Variants in ADAMTS17 observed in about 807,000 individuals in gnomAD.
ADAMTS17 encodes the protein A disintegrin and metalloproteinase with thrombospondin motifs 17.
ADAMTS17 carries 113 observed loss-of-function variants against 141.5 expected under a neutral mutation model. The observed-to-expected ratio is 0.80, with a 90% CI of 0.69 to 0.93. The LOEUF (loss-of-function observed/expected upper bound fraction) is 0.93, where lower values mean the gene tolerates loss of function less well. Ranked by LOEUF, ADAMTS17 falls within the 40% of genes least tolerant of loss-of-function variation. ADAMTS17 has a pLI of 0.00. For synonymous variants in ADAMTS17, 768 were observed against 630.6 expected, an observed-to-expected ratio of 1.22 and a Z score of -3.27; for missense variants, 1,659 against 1,517.9, an observed-to-expected ratio of 1.09 and a Z score of -1.54.
At chr15:100,102,744 C>G (rs1233658041) in intron 14 of ADAMTS17, among the ~76,000 whole-genome samples, 4 of 152,190 alleles carry the variant, frequency 2.6e-5, no homozygotes, top group Admixed American at 2.6e-4. Flanking sequence ...CAGAGACCTC[C>G]CTGCCTGCTC....
At chr15:100,113,639 A>C (rs1230049379) in intron 13 of ADAMTS17, among the ~76,000 whole-genome samples, 1 of 152,256 alleles carries the variant, frequency 6.6e-6, no homozygotes, top group Non-Finnish European at 1.5e-5. Flanking sequence ...GCCAGTCTGC[A>C]GTGGGTGCAC....
In ADAMTS17 at chr15:100,188,234, G is replaced by A. The variant is rs112139080; in HGVS notation, c.1181+11084C>T. Among the ~76,000 whole-genome samples the A allele has an allele frequency of 3.0e-3, 449 of 152,082 alleles. 3 individuals are homozygous for A. The highest frequency in any genetic ancestry group is 0.011 in the African/African-American group (442 of 41,500). On this transcript the variant is annotated intron_variant, in intron 8 of 21. Transcript: ENST00000268070. Reference sequence around the variant, plus strand: ...TGGAATTACAGGCATGCACCACCATGCCCAGCTAATTTTGTATTTTTTAGT... The same window carrying A: ...TGGAATTACAGGCATGCACCACCATACCCAGCTAATTTTGTATTTTTTAGT...
intron 3 of ADAMTS17, among the ~76,000 whole-genome samples, chr15:100,318,784 G>A (rs150218433): frequency 6.6e-6 from 1 of 152,174 alleles, no homozygotes; most frequent in African/African-American, 2.4e-5. Flanking sequence ...GCAGTTGTTG[G>A]GCTCAAATAT....
At chr15:100,287,370 A>T (rs957937644) in intron 3 of ADAMTS17, among the ~76,000 whole-genome samples, 7 of 152,340 alleles carry the variant, frequency 4.6e-5, no homozygotes, top group African/African-American at 1.7e-4. Context: ...TAAAACCTCA[A>T]GAAATATGGA....
intron 3 of ADAMTS17, among the ~76,000 whole-genome samples, chr15:100,305,600 A>G (rs1333752613): frequency 6.6e-6 from 1 of 152,224 alleles, no homozygotes; most frequent in African/African-American, 2.4e-5. Flanking sequence ...CTGCTGGGCC[A>G]TGGTGGGGTC....
At chr15:100,072,933 T>C (rs1337218478) in intron 15 of ADAMTS17, among the ~76,000 whole-genome samples, 2 of 151,206 alleles carry the variant, frequency 1.3e-5, no homozygotes, top group Non-Finnish European at 3.0e-5. Flanking sequence ...AATTAAAGTA[T>C]AGGGCTTCTG....
chr15:100,237,103 G>A (rs934087675), intron 7 of ADAMTS17, among the ~76,000 whole-genome samples: 2 of 152,116 alleles, frequency 1.3e-5, no homozygotes, highest in African/African-American at 4.8e-5. Flanking sequence ...TACCCTTTCA[G>A]CACAAGCCTA....
chr15:100,127,421 G>A lies in ADAMTS17; in HGVS notation c.1721+4586C>T, dbSNP rs183486435. 1.7e-4 allele frequency among the ~76,000 whole-genome samples: 26 copies of A among 152,306 alleles called. 1 individual carries two copies. In the East Asian group the frequency reaches 3.1e-3, roughly 18 times the overall value. On this transcript the variant is annotated intron_variant, in intron 12 of 21. Coordinates refer to ENST00000268070, the MANE Select transcript of ADAMTS17 (RefSeq NM_139057.4). ...GAGGCCAAGGGTTGCCGGGAGCCAC[G>A]AAACGGATTCACCTTTGGAGTTTCA...
chr15:100,160,055 G>A (rs367568094), intron 8 of ADAMTS17, among the ~76,000 whole-genome samples: 1 of 88,920 alleles, frequency 1.1e-5, no homozygotes, highest in African/African-American at 3.2e-5. Context: ...TCCTGGAATG[G>A]CCCCCCAGTA....
intron 7 of ADAMTS17, among the ~76,000 whole-genome samples, chr15:100,250,140 C>A (rs776446422): frequency 6.6e-6 from 1 of 152,166 alleles, no homozygotes; most frequent in Non-Finnish European, 1.5e-5. Flanking sequence ...TCAATAAATA[C>A]CAGATTGAGC....
At chr15:99,982,230 G>A (rs1376505237) in intron 20 of ADAMTS17, among the ~76,000 whole-genome samples, 2 of 152,190 alleles carry the variant, frequency 1.3e-5, no homozygotes, top group Non-Finnish European at 1.5e-5. Context: ...GCGCCACAGC[G>A]AGCTGGGCAG....
chr15:100,100,587 T>C (rs1243521434), intron 14 of ADAMTS17, among the ~76,000 whole-genome samples: 1 of 151,532 alleles, frequency 6.6e-6, no homozygotes, highest in African/African-American at 2.4e-5. Flanking sequence ...GACTCTTCTA[T>C]TTTGGGATGT....
intron 18 of ADAMTS17, among the ~76,000 whole-genome samples, chr15:100,042,985 T>C (rs765430357): frequency 2.0e-5 from 3 of 152,226 alleles, no homozygotes; most frequent in Non-Finnish European, 4.4e-5. Context: ...TGTGTATGTA[T>C]ATATGTATGT....
intron 8 of ADAMTS17, among the ~76,000 whole-genome samples, chr15:100,175,272 C>A (rs994686628): frequency 2.6e-5 from 4 of 152,174 alleles, no homozygotes; most frequent in Non-Finnish European, 4.4e-5. Context: ...AATTTGGCAA[C>A]CAACAGAGCA....
In ADAMTS17 at chr15:100,292,839, A is replaced by G. The variant is rs1383050148; in HGVS notation, c.617-11438T>C. Among the ~76,000 whole-genome samples, 9 of 152,216 alleles carry G rather than the reference A, an allele frequency of 5.9e-5. No individual in the cohort carries two copies. The South Asian group carries it at 1.9e-3, about 32-fold the overall frequency. On this transcript the variant is annotated intron_variant, in intron 3 of 21. Transcript: ENST00000268070. ...AGGGGGAAAAAAAGAATCATGCTGG[A>G]TTATAGGTTTGTCATTCTCTTCCAG...
chr15:100,087,611 C>A (rs565039620), intron 15 of ADAMTS17, among the ~76,000 whole-genome samples: 35 of 152,288 alleles, frequency 2.3e-4, no homozygotes, highest in African/African-American at 8.2e-4. Context: ...CAAACCGAAT[C>A]CAGCAGCACA....
At chr15:100,148,840 C>A (rs1219650719) in intron 10 of ADAMTS17, among the ~76,000 whole-genome samples, 11 of 147,382 alleles carry the variant, frequency 7.5e-5, no homozygotes, top group Admixed American at 6.1e-4. Flanking sequence ...AAAAAAAAAA[C>A]AGAACTCAAA....
intron 14 of ADAMTS17, among the ~76,000 whole-genome samples, chr15:100,097,785 G>C (rs768932870): frequency 1.3e-5 from 2 of 152,204 alleles, no homozygotes; most frequent in African/African-American, 2.4e-5. Flanking sequence ...GGGGCCATGC[G>C]ATGAGAACCG....
intron 15 of ADAMTS17, among the ~76,000 whole-genome samples, chr15:100,086,064 G>A (rs13379600): frequency 6.7e-6 from 1 of 149,814 alleles, no homozygotes; most frequent in African/African-American, 2.5e-5. Context: ...ACTGGATAAA[G>A]AGTCAAGACC....
Sources: gnomAD v4.1 joint callset for allele counts (sites outside exome capture counted in the v4.1 genomes callset) on GRCh38, gnomAD v4.1.1 for gene constraint, MANE v1.5 for transcripts, NCBI Gene and HGNC (gene_info 2026-07-23, HGNC 2026-07-21) for gene names.